Variants in ACO2 observed in about 807,000 individuals in gnomAD.
ACO2 encodes the protein aconitate hydratase, mitochondrial.
Under a neutral mutation model 84.5 loss-of-function variants are expected in ACO2, and 31 were observed. The observed-to-expected ratio is 0.37, with a 90% CI of 0.28 to 0.50. ACO2 has a LOEUF of 0.50. Ranked by LOEUF, ACO2 falls within the 20% of genes least tolerant of loss-of-function variation. The probability of loss-of-function intolerance (pLI) is 0.97; values close to 1 mark genes in which losing one functional copy is unlikely to be tolerated. For missense variants in ACO2, 685 were observed against 1,029.3 expected, an observed-to-expected ratio of 0.67 and a Z score of 4.58; for synonymous variants, 414 against 412.7, an observed-to-expected ratio of 1.00 and a Z score of -0.04.
intron 2 of ACO2, among the ~76,000 whole-genome samples, chr22:41,506,923 G>A (rs762221480): frequency 5.9e-5 from 9 of 151,786 alleles, no homozygotes; most frequent in Non-Finnish European, 1.3e-4. Flanking sequence ...GGGTGCAGCC[G>A]GGAGTCAGCC....
rs538985477 is a variant in ACO2 at position 41,519,438 on chromosome 22, A to G, written c.1033-733A>G. 7.9e-5 allele frequency among the ~76,000 whole-genome samples: 12 copies of G among 152,352 alleles called. No homozygotes were observed. The South Asian group carries it at 1.9e-3, about 24-fold the overall frequency. ...GACGGAGGTTTACTGCATGCTGCGC[A>G]CATAGCTGAGTGCCTCGCATTTACT... On this transcript the variant is annotated intron_variant, in intron 8 of 17. Coordinates refer to ENST00000216254, the MANE Select transcript of ACO2 (RefSeq NM_001098.3).
chr22:41,526,679 T>A (rs947702102), intron 15 of ACO2: 7 of 502,114 alleles, frequency 1.4e-5, no homozygotes, highest in African/African-American at 1.9e-5. Flanking sequence ...GAGGAGTTAG[T>A]GAGAGATATC....
chr22:41,493,681 C>A (rs1416490206), intron 1 of ACO2, among the ~76,000 whole-genome samples: 1 of 152,158 alleles, frequency 6.6e-6, no homozygotes, highest in Admixed American at 6.5e-5. Flanking sequence ...GTGGCTCATC[C>A]CTGTAATCCT....
At chr22:41,470,528 CTTTTTTTTTTTT>C (rs71184811) in intron 1 of ACO2, among the ~76,000 whole-genome samples, 26 of 95,850 alleles carry the variant, frequency 2.7e-4, no homozygotes, top group Non-Finnish European at 2.7e-4. Flanking sequence ...CTCTTTACAT[CTTTTTTTTTTTT>C]TTTTTTTTTT....
At chr22:41,512,285 G>T in intron 4 of ACO2, 1 of 268,366 alleles carries the variant, frequency 3.7e-6, no homozygotes, top group South Asian at 6.0e-5. Context: ...CTCTCATACA[G>T]AACATGGTAT....
rs572458705 is a variant in ACO2, at chr22:41,470,246, A to G, written c.36+1064A>G. On this transcript the variant is annotated intron_variant, in intron 1 of 17. Coordinates refer to ENST00000216254, the MANE Select transcript of ACO2 (RefSeq NM_001098.3). ...AAGCATCTGTAGACATTCTCTGTCAACCTTTCACATTTAACTTTGTGAATT... is the reference window on the plus strand; with the variant it reads ...AAGCATCTGTAGACATTCTCTGTCAGCCTTTCACATTTAACTTTGTGAATT... Among the ~76,000 whole-genome samples, 4 of 152,330 alleles carry G rather than the reference A, an allele frequency of 2.6e-5. No homozygotes were observed. In the South Asian group the frequency reaches 8.3e-4, roughly 32 times the overall value.
intron 1 of ACO2, among the ~76,000 whole-genome samples, chr22:41,487,738 A>G (rs2066239556): frequency 6.6e-6 from 1 of 152,074 alleles, no homozygotes; most frequent in South Asian, 2.1e-4. Context: ...CTTATCTAGG[A>G]TGAGAATCCA....
At chr22:41,521,344 G>A (rs1250594425) in intron 9 of ACO2, 2 of 152,252 alleles carry the variant, frequency 1.3e-5, no homozygotes, top group East Asian at 1.9e-4. Flanking sequence ...GCTGGGTACA[G>A]TGTGGCTGTG....
chr22:41,524,716 A>G, intron 12 of ACO2, 130 bp from the exon 13 acceptor site: 1 of 1,417,338 alleles, frequency 7.1e-7, no homozygotes, highest in Non-Finnish European at 9.8e-7. Flanking sequence ...CCTCTGAGGA[A>G]CACAGGGGTC....
intron 13 of ACO2, 48 bp downstream of exon 13, chr22:41,525,016 C>T (rs372808344): frequency 1.9e-5 from 30 of 1,613,694 alleles, no homozygotes; most frequent in Non-Finnish European, 2.5e-5. Context: ...GGCCACGTCA[C>T]TTCCTTCTCA....
intron 1 of ACO2, among the ~76,000 whole-genome samples, chr22:41,473,694 G>C (rs968877395): frequency 1.3e-5 from 2 of 152,142 alleles, no homozygotes; most frequent in Non-Finnish European, 2.9e-5. Context: ...TGGGAACATG[G>C]CATTTTTAAC....
At chr22:41,497,881 T>TA (rs1282824418) in intron 1 of ACO2, among the ~76,000 whole-genome samples, 3 of 145,820 alleles carry the variant, frequency 2.1e-5, no homozygotes, top group South Asian at 2.2e-4. Context: ...AGACTCCCTT[T>TA]AAAAAAAAAT....
Position 41,508,041 on chromosome 22 carries a change from CG to C in ACO2, c.427del (p.Ala143ProfsTer46), listed in dbSNP as rs1569014032. 6.2e-7 allele frequency: 1 copy of C among 1,609,082 alleles called. No homozygotes were observed. Among genetic ancestry groups the C allele is most frequent in the South Asian group, 1.1e-5 (1 of 90,926 alleles). ...GGTTGGGGGCGAGAAAGACCTGCGCCGGGCCAAGGTGAGCAGAAGGTGGCTT... is the reference window on the plus strand; with the variant it reads ...GGTTGGGGGCGAGAAAGACCTGCGCCGGCCAAGGTGAGCAGAAGGTGGCTT... The part of the protein sequence containing the change: ...AQVGGEKDLR[R>X]AKDINQEVYN... On this transcript the variant is annotated frameshift_variant, in exon 3 of 18. Coordinates refer to ENST00000216254, the MANE Select transcript of ACO2 (RefSeq NM_001098.3). LOFTEE classifies it high-confidence loss of function.
intron 1 of ACO2, among the ~76,000 whole-genome samples, chr22:41,471,458 TAGTC>T: frequency 6.6e-6 from 1 of 152,346 alleles, no homozygotes; most frequent in East Asian, 1.9e-4. Context: ...ACTACCTTAA[TAGTC>T]ATGTATGCAA....
chr22:41,512,685 G>A (rs914086168), intron 4 of ACO2, among the ~76,000 whole-genome samples: 18 of 152,202 alleles, frequency 1.2e-4, no homozygotes, highest in Admixed American at 9.8e-4. Flanking sequence ...TAGGTCATGT[G>A]GCCATGTCAG....
In ACO2 at chr22:41,524,771, C is replaced by T. The variant is rs2066563975; in HGVS notation, c.1483-75C>T. ...TCCTGGGTTCCTTTCTCAGTTTTGG[C>T]CTAGGCTTTTGGTAGGTGCAGGAGA... On this transcript the variant is annotated intron_variant, in intron 12 of 17. Transcript: ENST00000216254. 1.2e-5 allele frequency: 19 copies of T among 1,599,604 alleles called. No homozygotes were observed. The South Asian group carries it at 2.0e-4, about 17-fold the overall frequency.
chr22:41,527,625 T>C, intron 16 of ACO2: 2 of 838,678 alleles, frequency 2.4e-6, no homozygotes, highest in Non-Finnish European at 3.6e-6. Flanking sequence ...GCTTCCAGGC[T>C]TGTAGATCTG....
chr22:41,469,285 A>G (rs1207066027), intron 1 of ACO2, 103 bp downstream of exon 1: 1 of 1,398,816 alleles, frequency 7.1e-7, no homozygotes, highest in Non-Finnish European at 9.7e-7. Context: ...CCTGGGGCCA[A>G]CTTCTCGTGT....
At chr22:41,514,061 T>C (rs1318072835) in intron 4 of ACO2, among the ~76,000 whole-genome samples, 1 of 152,232 alleles carries the variant, frequency 6.6e-6, no homozygotes, top group Non-Finnish European at 1.5e-5. Context: ...CTTAAATCCT[T>C]GTACGTGGCA....
Sources: gnomAD v4.1 joint callset for allele counts (sites outside exome capture counted in the v4.1 genomes callset) on GRCh38, gnomAD v4.1.1 for gene constraint, MANE v1.5 for transcripts, NCBI Gene and HGNC (gene_info 2026-07-23, HGNC 2026-07-21) for gene names.